Variants in STXBP5 observed in about 807,000 individuals in gnomAD.
STXBP5 encodes the protein syntaxin binding protein 5.
STXBP5 carries 50 observed loss-of-function variants against 152.4 expected under a neutral mutation model. That is an observed-to-expected ratio of 0.33 (90% CI 0.26 to 0.42). The LOEUF is 0.42. Among genes scored for constraint, STXBP5 ranks in the 10% least tolerant of loss-of-function variants. The pLI is 1.00. For synonymous variants in STXBP5, 492 were observed against 494.7 expected (o/e 0.99, Z 0.07); for missense variants, 1,167 against 1,388.6 (o/e 0.84, Z 2.54).
chr6:147,382,463 C>T (rs1786134756), intron 26 of STXBP5, among the ~76,000 whole-genome samples: 1 of 151,962 alleles, frequency 6.6e-6, no homozygotes. Context: ...GCAGTTTTTG[C>T]CATTATGTAA....
chr6:147,362,825 T>G (rs111443871), intron 23 of STXBP5, among the ~76,000 whole-genome samples: 16 of 152,362 alleles, frequency 1.1e-4, no homozygotes, highest in Admixed American at 1.0e-3. Context: ...CATTTTACAT[T>G]GAACTTTTTG....
intron 15 of STXBP5, 62 bp downstream of exon 15, chr6:147,315,797 G>T: frequency 6.6e-7 from 1 of 1,507,856 alleles, no homozygotes; most frequent in Non-Finnish European, 9.1e-7. Flanking sequence ...TAAATTTGTG[G>T]ATGATTTGGA....
chr6:147,231,262 C>G (rs1401963312), intron 2 of STXBP5, among the ~76,000 whole-genome samples: 1 of 151,588 alleles, frequency 6.6e-6, no homozygotes, highest in African/African-American at 2.4e-5. Context: ...AATTACACAG[C>G]CTTGTGTTCA....
At chr6:147,299,662 G>A (rs1781707517) in intron 9 of STXBP5, among the ~76,000 whole-genome samples, 1 of 151,994 alleles carries the variant, frequency 6.6e-6, no homozygotes, top group South Asian at 2.1e-4. Flanking sequence ...GTACCTCTCT[G>A]ATGAACATAG....
chr6:147,287,194 A>ATTTTTT (rs11370591), intron 8 of STXBP5, among the ~76,000 whole-genome samples: 1 of 75,256 alleles, frequency 1.3e-5, no homozygotes, highest in African/African-American at 5.3e-5. Flanking sequence ...TTAATTGTAC[A>ATTTTTT]TTTTTTTTTT....
intron 2 of STXBP5, among the ~76,000 whole-genome samples, chr6:147,212,139 A>G (rs1176287741): frequency 6.6e-6 from 1 of 152,230 alleles, no homozygotes; most frequent in Non-Finnish European, 1.5e-5. Context: ...CATTTATTTC[A>G]GAACAACCAG....
chr6:147,355,084 A>C (rs1289912116), intron 22 of STXBP5, among the ~76,000 whole-genome samples: 2 of 152,006 alleles, frequency 1.3e-5, no homozygotes, highest in Admixed American at 6.6e-5. Flanking sequence ...ATTGTGCAGC[A>C]CTGTACTTGC....
chr6:147,327,082 T>G, intron 17 of STXBP5, 43 bp from the exon 18 acceptor site: 2 of 1,581,252 alleles, frequency 1.3e-6, no homozygotes, highest in Admixed American at 1.8e-5. Context: ...TTTTTTGGAA[T>G]TATTTGTTTG....
At chr6:147,377,496 C>T (rs1406455089) in intron 26 of STXBP5, among the ~76,000 whole-genome samples, 1 of 151,966 alleles carries the variant, frequency 6.6e-6, no homozygotes, top group Non-Finnish European at 1.5e-5. Context: ...ATCAAAATAC[C>T]ATAAACTGGG....
At chr6:147,348,564 T>C (rs1240517346) in intron 21 of STXBP5, among the ~76,000 whole-genome samples, 2 of 152,170 alleles carry the variant, frequency 1.3e-5, no homozygotes, top group African/African-American at 4.8e-5. Flanking sequence ...ACATATGTTT[T>C]TCTTTGTTTT....
At chr6:147,306,428 G>A (rs550674246) in intron 9 of STXBP5, among the ~76,000 whole-genome samples, 8 of 152,312 alleles carry the variant, frequency 5.3e-5, no homozygotes, top group Admixed American at 4.6e-4. Flanking sequence ...ATTGGAATGA[G>A]TTTTGAAGGA....
At chr6:147,276,322 G>C (rs917445936) in intron 7 of STXBP5, among the ~76,000 whole-genome samples, 8 of 151,878 alleles carry the variant, frequency 5.3e-5, no homozygotes, top group African/African-American at 1.9e-4. Flanking sequence ...TTTTTTGTGG[G>C]GTGTTTTCTG....
At chr6:147,339,517 C>A in intron 21 of STXBP5, 133 bp downstream of exon 21, 1 of 647,586 alleles carries the variant, frequency 1.5e-6, no homozygotes. Context: ...ATCTCTTGGG[C>A]TGTGTCTCTT....
chr6:147,310,186 G>T lies in STXBP5; in HGVS notation c.1020G>T (p.Met340Ile), dbSNP rs1782291694. The change falls in exon 10 of 28, where the codon ATG (methionine) becomes ATT (isoleucine). Residue 340 changes from methionine (M) to isoleucine (I), a missense_variant. Met to Ile is a conservative substitution (Grantham distance 10, BLOSUM62 1). Coordinates refer to ENST00000321680, the MANE Select transcript of STXBP5 (RefSeq NM_001127715.4). Reference sequence around the variant, plus strand: ...GGAAAAGCACTGCTGTGCTAGAAATGGACTATTCAATTGTTGATTTTCTAA... The same window carrying T: ...GGAAAAGCACTGCTGTGCTAGAAATTGACTATTCAATTGTTGATTTTCTAA... ...MHGKSTAVLEMDYSIVDFLTL... is the reference protein window; with the variant it reads ...MHGKSTAVLEIDYSIVDFLTL... 6.2e-7 allele frequency: 1 copy of T among 1,602,752 alleles called. No homozygotes were observed. The highest frequency in any genetic ancestry group is 1.8e-5 in the Admixed American group (1 of 56,804).
intron 17 of STXBP5, among the ~76,000 whole-genome samples, chr6:147,325,410 A>G (rs2128385316): frequency 6.6e-6 from 1 of 152,322 alleles, no homozygotes; most frequent in Non-Finnish European, 1.5e-5. Context: ...TATAATGGAA[A>G]TCTAACAATA....
rs1785149997 is a variant in STXBP5, at chr6:147,363,356, G to A, written c.2567G>A (p.Gly856Asp). ...SPSGTILRLK[G>D]AILRMAFLDT... The stretch of plus-strand genomic sequence containing the variant: ...TTAGGTACTATATTGAGGTTAAAAG[G>A]TGCAATCTTGAGAATGGCATTTCTG... Residue 856 changes from glycine to aspartate, a missense_variant, in exon 24 of 28, where the codon GGT becomes GAT. Physicochemically the swap from Gly to Asp is moderately conservative, Grantham distance 94. Around this residue, in one of 3 missense-constraint regions of STXBP5, gnomAD observed 833 missense variants for 986.3 expected, o/e 0.84. Transcript: ENST00000321680. 1 of 1,603,244 alleles carries A rather than the reference G, an allele frequency of 6.2e-7. No homozygotes were observed. Among genetic ancestry groups the A allele is most frequent in the Non-Finnish European group, 8.5e-7 (1 of 1,176,242 alleles).
chr6:147,246,455 G>C (rs899899032), intron 4 of STXBP5, among the ~76,000 whole-genome samples: 1 of 151,954 alleles, frequency 6.6e-6, no homozygotes, highest in Non-Finnish European at 1.5e-5. Flanking sequence ...TTTATTGTTT[G>C]TAAAACCTTT....
At chr6:147,310,529 G>GAT (rs1782317550) in intron 10 of STXBP5, among the ~76,000 whole-genome samples, 1 of 150,112 alleles carries the variant, frequency 6.7e-6, no homozygotes, top group East Asian at 2.0e-4. Flanking sequence ...AGGAGAGAAA[G>GAT]TGATTGATTG....
At chr6:147,228,638 ACTTTTT>A (rs921189000) in intron 2 of STXBP5, among the ~76,000 whole-genome samples, 3 of 151,838 alleles carry the variant, frequency 2.0e-5, no homozygotes, top group Non-Finnish European at 2.9e-5. Context: ...TATATTGCTT[ACTTTTT>A]CTTTTATATT....
Sources: allele counts gnomAD v4.1 joint callset (sites outside exome capture counted in the v4.1 genomes callset), GRCh38; gene constraint gnomAD v4.1.1; regional missense constraint gnomAD v4.1.1; transcripts MANE v1.5; gene names NCBI Gene and HGNC (gene_info 2026-07-23, HGNC 2026-07-21).